Variants in CDH18 observed in about 807,000 individuals in gnomAD.
CDH18 encodes the protein cadherin 18.
CDH18 carries 31 observed loss-of-function variants against 67.9 expected under a neutral mutation model. That is an observed-to-expected ratio of 0.46 (90% confidence interval 0.34 to 0.62). The LOEUF (loss-of-function observed/expected upper bound fraction) is 0.62. CDH18 is among the 20% of genes least tolerant of loss of function. CDH18 has a pLI of 0.01. For synonymous variants in CDH18, 362 were observed against 347.2 expected (o/e 1.04, Z -0.48); for missense variants, 890 against 975.5 (o/e 0.91, Z 1.17).
chr5:19,514,267 C>T (rs1173595863), intron 10 of CDH18, among the ~76,000 whole-genome samples: 1 of 152,128 alleles, frequency 6.6e-6, no homozygotes, highest in Non-Finnish European at 1.5e-5. Context: ...TGGGTTGGTT[C>T]CAAGTCTTTG....
intron 1 of CDH18, among the ~76,000 whole-genome samples, chr5:20,522,268 C>T (rs1033772666): frequency 6.6e-5 from 10 of 152,108 alleles, no homozygotes; most frequent in African/African-American, 2.4e-4. Flanking sequence ...TCATTTAAGC[C>T]ACCTAGTTTC....
At chr5:19,984,829 C>A (rs1024291715) in intron 1 of CDH18, among the ~76,000 whole-genome samples, 3 of 152,142 alleles carry the variant, frequency 2.0e-5, no homozygotes, top group African/African-American at 7.2e-5. Context: ...TTCCATTGTG[C>A]TACACATCAG....
chr5:20,200,941 T>C (rs1229989196), intron 2 of CDH18, among the ~76,000 whole-genome samples: 2 of 152,134 alleles, frequency 1.3e-5, no homozygotes, highest in Admixed American at 1.3e-4. Context: ...TAATTTGAAA[T>C]AGAATTTCTT....
intron 2 of CDH18, among the ~76,000 whole-genome samples, chr5:20,232,171 AT>A (rs555173915): frequency 4.7e-4 from 69 of 147,018 alleles, no homozygotes; most frequent in South Asian, 8.6e-4. Context: ...GTTTCTATTT[AT>A]TTTTTTTTTT....
At chr5:19,559,697 T>C (rs588152) in intron 8 of CDH18, among the ~76,000 whole-genome samples, 15,090 of 151,982 alleles carry the variant, frequency 0.099, 1,041 homozygotes, top group African/African-American at 0.19. Flanking sequence ...GGACATCCAA[T>C]TGATAATGAT....
At chr5:20,330,040 C>G (rs900651593) in intron 1 of CDH18, among the ~76,000 whole-genome samples, 1 of 151,638 alleles carries the variant, frequency 6.6e-6, no homozygotes, top group Non-Finnish European at 1.5e-5. Flanking sequence ...TGTTACCAAC[C>G]CCCAAATCAA....
intron 1 of CDH18, among the ~76,000 whole-genome samples, chr5:20,382,705 A>G (rs780783385): frequency 6.6e-6 from 1 of 152,178 alleles, no homozygotes; most frequent in Non-Finnish European, 1.5e-5. Flanking sequence ...ATGTCCCTGA[A>G]TATTACAAAG....
intron 1 of CDH18, among the ~76,000 whole-genome samples, chr5:20,479,884 C>T (rs1752677425): frequency 6.6e-6 from 1 of 151,860 alleles, no homozygotes; most frequent in South Asian, 2.1e-4. Context: ...CTAAAAGCAG[C>T]AAGAGAAAAG....
intron 5 of CDH18, among the ~76,000 whole-genome samples, chr5:19,680,568 C>CA: frequency 6.6e-6 from 1 of 151,498 alleles, no homozygotes; most frequent in African/African-American, 2.4e-5. Context: ...AAGTAAGAAG[C>CA]AAAAAACACA....
intron 8 of CDH18, among the ~76,000 whole-genome samples, chr5:19,545,728 G>C (rs1216270899): frequency 6.6e-6 from 1 of 152,134 alleles, no homozygotes; most frequent in Non-Finnish European, 1.5e-5. Flanking sequence ...GCTGGGGAAA[G>C]GTAGTTTGGG....
rs145224472 is a variant in CDH18 at position 19,563,187 on chromosome 5, T to C, written c.1253+8392A>G. ...ATTTTGTTTGTTTGTTTTTATTTTT[T>C]ATTAGTTATAGTATAATAGGGAGCA... On this transcript the variant is annotated intron_variant, in intron 8 of 12. Coordinates refer to ENST00000382275, the MANE Select transcript of CDH18 (RefSeq NM_004934.5). 2.6e-5 allele frequency among the ~76,000 whole-genome samples: 4 copies of C among 152,326 alleles called. No individual in the cohort carries two copies. In the East Asian group the frequency reaches 7.7e-4, roughly 29 times the overall value.
At chr5:20,545,334 C>T (rs995176474) in intron 1 of CDH18, among the ~76,000 whole-genome samples, 2 of 152,226 alleles carry the variant, frequency 1.3e-5, no homozygotes, top group Admixed American at 6.5e-5. Context: ...CTAGGCAATG[C>T]CCCAGTGGGC....
rs574308487 is a variant in CDH18, at chr5:20,160,066, C to T, written c.-518+95378G>A. On this transcript the variant is annotated intron_variant, in intron 2 of 14. Transcript: ENST00000507958. ...AAAATTTTGTCTCAGCAAATTAATC[C>T]CAGATATTTTTCAAAGGTAAAATGA... Among the ~76,000 whole-genome samples the T allele has an allele frequency of 3.3e-5, 5 of 152,064 alleles. No individual in the cohort carries two copies. The East Asian group carries it at 9.7e-4, about 29-fold the overall frequency.
At chr5:19,752,877 T>C (rs1771041608) in intron 3 of CDH18, among the ~76,000 whole-genome samples, 1 of 152,098 alleles carries the variant, frequency 6.6e-6, no homozygotes, top group Admixed American at 6.5e-5. Flanking sequence ...CAACACCCAG[T>C]ATTAGCCCAG....
chr5:20,110,675 C>A (rs1747384738), intron 2 of CDH18, among the ~76,000 whole-genome samples: 1 of 151,958 alleles, frequency 6.6e-6, no homozygotes, highest in East Asian at 1.9e-4. Flanking sequence ...AAACAAAAAA[C>A]AAATATTGTT....
chr5:20,466,285 A>G (rs1581052778), intron 1 of CDH18, among the ~76,000 whole-genome samples: 1 of 152,198 alleles, frequency 6.6e-6, no homozygotes, highest in Middle Eastern at 3.4e-3. Context: ...GTAATTACTG[A>G]AAGTAAACTG....
chr5:19,869,890 T>C (rs1786039005), intron 2 of CDH18, among the ~76,000 whole-genome samples: 1 of 152,130 alleles, frequency 6.6e-6, no homozygotes. Context: ...TTGTAAGTCT[T>C]ACTAGAACAA....
At chr5:20,135,323 G>T (rs1019543824) in intron 2 of CDH18, among the ~76,000 whole-genome samples, 1 of 152,134 alleles carries the variant, frequency 6.6e-6, no homozygotes, top group African/African-American at 2.4e-5. Flanking sequence ...TCTTGGGAGG[G>T]TGTATGTGTC....
chr5:19,672,089 A>G (rs913549865), intron 5 of CDH18, among the ~76,000 whole-genome samples: 3 of 152,154 alleles, frequency 2.0e-5, no homozygotes, highest in Non-Finnish European at 4.4e-5. Flanking sequence ...ATACTGGTAA[A>G]ATCTCAGTGA....
Sources: gnomAD v4.1 joint callset for allele counts (sites outside exome capture counted in the v4.1 genomes callset) on GRCh38, gnomAD v4.1.1 for gene constraint, MANE v1.5 for transcripts, NCBI Gene and HGNC (gene_info 2026-07-23, HGNC 2026-07-21) for gene names.